CEP128: variants seen among roughly 807,000 people sequenced by gnomAD.
CEP128 encodes the protein centrosomal protein 128kDa.
In CEP128, 132 loss-of-function variants were observed where a neutral mutation model predicts 156.7. The observed-to-expected ratio is 0.84, with a 90% confidence interval of 0.73 to 0.97. The LOEUF is 0.97. Ranked by LOEUF, CEP128 falls within the 50% of genes least tolerant of loss-of-function variation. The pLI is 0.00. For synonymous variants in CEP128, 469 were observed against 448.9 expected (o/e 1.04, Z -0.57); for missense variants, 1,252 against 1,281.9 (o/e 0.98, Z 0.36).
chr14:80,844,685 G>T (rs1886509994), intron 9 of CEP128, among the ~76,000 whole-genome samples: 1 of 151,970 alleles, frequency 6.6e-6, no homozygotes, highest in Non-Finnish European at 1.5e-5. Flanking sequence ...ATTCCTTAAA[G>T]ATATCTATGG....
intron 19 of CEP128, among the ~76,000 whole-genome samples, chr14:80,622,353 C>G (rs1035149036): frequency 2.6e-5 from 4 of 151,650 alleles, no homozygotes; most frequent in African/African-American, 9.7e-5. Flanking sequence ...ACCATAAAAA[C>G]CCTAGAAGAA....
chr14:80,519,427 C>T (rs570662823), intron 23 of CEP128, among the ~76,000 whole-genome samples: 187 of 152,304 alleles, frequency 1.2e-3, no homozygotes, highest in African/African-American at 4.2e-3. Context: ...ACAAATGATA[C>T]ATTTAATTTT....
chr14:80,700,879 G>A (rs1413264123), intron 19 of CEP128, among the ~76,000 whole-genome samples: 1 of 152,104 alleles, frequency 6.6e-6, no homozygotes, highest in Non-Finnish European at 1.5e-5. Context: ...TTGTTTAACT[G>A]ACCATACAGA....
chr14:80,761,649 T>C (rs757357729), intron 16 of CEP128, 36 bp from the exon 17 acceptor site: 2 of 1,477,424 alleles, frequency 1.4e-6, no homozygotes, highest in Non-Finnish European at 1.8e-6. Context: ...AGGTGATTAC[T>C]ATTAAGTGGA....
At chr14:80,493,742 T>TA (rs1161782306), downstream of CEP128, among the ~76,000 whole-genome samples, 1 of 152,086 alleles carries the variant, frequency 6.6e-6, no homozygotes, top group Non-Finnish European at 1.5e-5. Context: ...CGGTCAACAA[T>TA]AGGGGCTATC....
At chr14:80,536,565 A>G (rs572623614) in intron 21 of CEP128, among the ~76,000 whole-genome samples, 1 of 152,316 alleles carries the variant, frequency 6.6e-6, no homozygotes, top group Non-Finnish European at 1.5e-5. Flanking sequence ...GAAAGGTGGT[A>G]AAAGGACCTG....
At chr14:80,888,204 A>T (rs1566694582) in intron 8 of CEP128, among the ~76,000 whole-genome samples, 2 of 152,218 alleles carry the variant, frequency 1.3e-5, no homozygotes, top group East Asian at 3.8e-4. Flanking sequence ...AGAGGTACAA[A>T]GAGGAGCTGG....
intron 19 of CEP128, among the ~76,000 whole-genome samples, chr14:80,700,301 C>T (rs904544348): frequency 6.6e-6 from 1 of 152,054 alleles, no homozygotes; most frequent in African/African-American, 2.4e-5. Flanking sequence ...TTTACTCACT[C>T]AGATGCAAGG....
intron 16 of CEP128, among the ~76,000 whole-genome samples, chr14:80,774,841 G>A (rs1255877571): frequency 2.0e-5 from 3 of 152,176 alleles, no homozygotes; most frequent in Non-Finnish European, 4.4e-5. Flanking sequence ...ACTTGCTGAT[G>A]AACCAGCCAG....
rs1015217895 is a variant in CEP128 at position 80,874,910 on chromosome 14, G to A, written c.646-12037C>T. On this transcript the variant is annotated intron_variant, in intron 8 of 24. Coordinates refer to ENST00000555265, the MANE Select transcript of CEP128 (RefSeq NM_152446.5). ...TGGGATTACAGGCGTGAGCCACCGC[G>A]CCTGGCCAAATATAACTGTTTTTTA... is the stretch of plus-strand genomic sequence containing the variant. 5.9e-5 allele frequency among the ~76,000 whole-genome samples: 9 copies of A among 152,194 alleles called. No homozygotes were observed. In the South Asian group the frequency reaches 8.3e-4, roughly 14 times the overall value.
chr14:80,893,449 C>T (rs2139383977), intron 8 of CEP128, among the ~76,000 whole-genome samples: 1 of 150,440 alleles, frequency 6.6e-6, no homozygotes, highest in South Asian at 2.1e-4. Flanking sequence ...TAAAACTGTA[C>T]TATATATGGG....
intron 2 of CEP128, among the ~76,000 whole-genome samples, chr14:80,935,039 A>C (rs1182347932): frequency 6.6e-6 from 1 of 152,230 alleles, no homozygotes; most frequent in Admixed American, 6.5e-5. Flanking sequence ...CAGAAAACAG[A>C]ACTAAGGCTT....
intron 19 of CEP128, among the ~76,000 whole-genome samples, chr14:80,700,532 A>C (rs542602977): frequency 7.3e-5 from 11 of 150,798 alleles, no homozygotes; most frequent in African/African-American, 2.2e-4. Flanking sequence ...GACCCCCCCC[A>C]AAAAAGCCAT....
chr14:80,524,468 G>T (rs536647562), intron 23 of CEP128, among the ~76,000 whole-genome samples: 1 of 152,238 alleles, frequency 6.6e-6, no homozygotes, highest in East Asian at 1.9e-4. Context: ...TGGCTCTTCT[G>T]ATTATCCATG....
chr14:80,627,338 G>A (rs1244274385), intron 19 of CEP128, among the ~76,000 whole-genome samples: 1 of 152,220 alleles, frequency 6.6e-6, no homozygotes. Flanking sequence ...GCTTAAGAAT[G>A]TAAGTGAAAA....
intron 16 of CEP128, among the ~76,000 whole-genome samples, chr14:80,772,797 C>G (rs1416958872): frequency 6.6e-6 from 1 of 152,192 alleles, no homozygotes; most frequent in Admixed American, 6.5e-5. Context: ...GCACATCCTG[C>G]AAGGGGGGTC....
At chr14:80,667,162 A>G (rs1175073999) in intron 19 of CEP128, among the ~76,000 whole-genome samples, 1 of 152,196 alleles carries the variant, frequency 6.6e-6, no homozygotes, top group African/African-American at 2.4e-5. Flanking sequence ...CAGTAGAGAA[A>G]GGGACACAGG....
chr14:80,775,925 C>T (rs1900765072), intron 16 of CEP128, among the ~76,000 whole-genome samples: 1 of 152,194 alleles, frequency 6.6e-6, no homozygotes, highest in Admixed American at 6.5e-5. Flanking sequence ...TTTCCGCCCC[C>T]CGGGTTCAAG....
intron 2 of CEP128, among the ~76,000 whole-genome samples, chr14:80,933,287 A>G (rs1395145340): frequency 6.6e-6 from 1 of 152,156 alleles, no homozygotes; most frequent in African/African-American, 2.4e-5. Context: ...CCAGTAACTC[A>G]GTAAGTCTCT....
Sources: gnomAD v4.1 joint callset for allele counts (sites outside exome capture counted in the v4.1 genomes callset) on GRCh38, gnomAD v4.1.1 for gene constraint, MANE v1.5 for transcripts, NCBI Gene and HGNC (gene_info 2026-07-23, HGNC 2026-07-21) for gene names.